Variants in ABCA9 observed in about 807,000 individuals in gnomAD.
ABCA9 encodes the protein ATP-binding cassette sub-family A member 9.
Under a neutral mutation model 205.3 loss-of-function variants are expected in ABCA9, and 183 were observed. That is an observed-to-expected ratio of 0.89 (90% CI 0.79 to 1.01). The LOEUF is 1.01. ABCA9 is among the 50% of genes least tolerant of loss of function. The pLI is 0.00. For synonymous variants in ABCA9, 651 were observed against 683.3 expected (o/e 0.95, Z 0.74); for missense variants, 1,805 against 1,912.4 (o/e 0.94, Z 1.05).
At chr17:69,001,122 G>A in intron 25 of ABCA9, among the ~76,000 whole-genome samples, 1 of 151,456 alleles carries the variant, frequency 6.6e-6, no homozygotes, top group Admixed American at 6.6e-5. Context: ...TCCTTCTCCT[G>A]CCTAATTGCC....
At chr17:68,996,103 CGTT>C (rs1598346009) in intron 25 of ABCA9, 89 bp from the exon 26 acceptor site, 23 of 1,402,616 alleles carry the variant, frequency 1.6e-5, no homozygotes, top group Non-Finnish European at 2.2e-5. Context: ...CATTTATAAA[CGTT>C]GTTATTTTCA....
At chr17:69,047,485 A>C (rs1185589078) in intron 3 of ABCA9, among the ~76,000 whole-genome samples, 1 of 151,682 alleles carries the variant, frequency 6.6e-6, no homozygotes, top group Non-Finnish European at 1.5e-5. Flanking sequence ...AGGCTGACTC[A>C]CTCCAAAGTG....
At chr17:69,024,412 C>A in intron 16 of ABCA9, 59 bp from the exon 17 acceptor site, 2 of 1,440,454 alleles carry the variant, frequency 1.4e-6, no homozygotes, top group Non-Finnish European at 1.9e-6. Flanking sequence ...AAACAATTTC[C>A]TAATTATGTA....
At chr17:69,042,747 C>A (rs1398932358) in intron 6 of ABCA9, 2 of 152,148 alleles carry the variant, frequency 1.3e-5, no homozygotes, top group Non-Finnish European at 2.9e-5. Context: ...TTTCAAGTCA[C>A]CAAGTCTGCA....
chr17:69,070,232 A>G, the ABCA9 span, among the ~76,000 whole-genome samples: 1 of 152,180 alleles, frequency 6.6e-6, no homozygotes, highest in Non-Finnish European at 1.5e-5. Flanking sequence ...AGATAAGAAA[A>G]AGATTAAAGC....
chr17:68,997,777 T>C (rs1383606936), intron 25 of ABCA9, among the ~76,000 whole-genome samples: 1 of 152,180 alleles, frequency 6.6e-6, no homozygotes, highest in Admixed American at 6.5e-5. Context: ...TTGTTAGAAT[T>C]GATGAGCCTT....
chr17:69,075,435 G>A, the ABCA9 span, among the ~76,000 whole-genome samples: 1 of 152,148 alleles, frequency 6.6e-6, no homozygotes, highest in African/African-American at 2.4e-5. Flanking sequence ...GTGAAAGGTG[G>A]GGGTCCACTT....
At chr17:69,013,667 A>G (rs1719764117) in intron 22 of ABCA9, among the ~76,000 whole-genome samples, 1 of 152,132 alleles carries the variant, frequency 6.6e-6, no homozygotes, top group African/African-American at 2.4e-5. Context: ...ACTCAGCCTG[A>G]CAGGGTCCTT....
intron 21 of ABCA9, 27 bp from the exon 22 acceptor site, chr17:69,016,417 A>G (rs1224979334): frequency 5.8e-6 from 9 of 1,547,902 alleles, no homozygotes; most frequent in Non-Finnish European, 7.8e-6. Flanking sequence ...ACCAATTCGA[A>G]GTCTTCATAA....
chr17:69,012,073 T>A lies in ABCA9; in HGVS notation c.3050A>T (p.Asp1017Val), dbSNP rs1399062983. Reference protein sequence around the residue: ...DRSTFFEEHMDYEYGYRSNTF... With the variant: ...DRSTFFEEHMVYEYGYRSNTF... ...GTTACTTCGGTACCCATACTCATAA[T>A]CCATATGCTCCTGAAATCATGTGGA... Residue 1017 changes from aspartate to valine, a missense_variant, in exon 23 of 39, where the codon GAT becomes GTT. Coordinates refer to ENST00000340001, the MANE Select transcript of ABCA9 (RefSeq NM_080283.4). The A allele has an allele frequency of 1.2e-6, 2 of 1,609,836 alleles. No homozygotes were observed. The highest frequency in any genetic ancestry group is 3.4e-5 in the Admixed American group (2 of 59,336).
At chr17:69,017,619 A>C (rs2144265427) in intron 21 of ABCA9, 37 bp downstream of exon 21, 1 of 1,610,346 alleles carries the variant, frequency 6.2e-7, no homozygotes, top group Non-Finnish European at 8.5e-7. Context: ...CCCATAGTCC[A>C]CCTTTGGTGA....
chr17:69,070,271 A>C, the ABCA9 span, among the ~76,000 whole-genome samples: 2 of 152,202 alleles, frequency 1.3e-5, no homozygotes, highest in African/African-American at 4.8e-5. Context: ...AAAAATACAA[A>C]AATTAAAAAA....
upstream of ABCA9, among the ~76,000 whole-genome samples, chr17:69,063,545 G>A (rs1353393572): frequency 6.6e-6 from 1 of 152,152 alleles, no homozygotes; most frequent in Non-Finnish European, 1.5e-5. Context: ...TGCACTGCCT[G>A]CATGTGAGTT....
chr17:69,025,526 G>T (rs895137148), intron 16 of ABCA9, among the ~76,000 whole-genome samples: 1 of 152,082 alleles, frequency 6.6e-6, no homozygotes, highest in African/African-American at 2.4e-5. Context: ...TCAATAGAGG[G>T]TATTGATTCT....
At chr17:69,075,909 G>A in the ABCA9 span, among the ~76,000 whole-genome samples, 24 of 152,146 alleles carry the variant, frequency 1.6e-4, no homozygotes, top group East Asian at 3.7e-3. Context: ...GCAGTGTTTT[G>A]TAATTCTTCT....
intron 25 of ABCA9, among the ~76,000 whole-genome samples, chr17:69,005,972 C>G (rs569025405): frequency 6.6e-6 from 1 of 152,162 alleles, no homozygotes; most frequent in Non-Finnish European, 1.5e-5. Flanking sequence ...TTTGGGCAGC[C>G]ATTTCTAATT....
intron 14 of ABCA9, 103 bp downstream of exon 14, chr17:69,027,227 T>C: frequency 6.4e-7 from 1 of 1,560,732 alleles, no homozygotes; most frequent in South Asian, 1.2e-5. Context: ...TAATATTTCA[T>C]CCTAAAAGTT....
At chr17:69,060,246 T>C (rs571799956) in intron 1 of ABCA9, among the ~76,000 whole-genome samples, 8 of 152,160 alleles carry the variant, frequency 5.3e-5, no homozygotes, top group Non-Finnish European at 1.2e-4. Flanking sequence ...GAATAGGAAA[T>C]TGTATAATTT....
chr17:69,001,154 A>G (rs1043834408), intron 25 of ABCA9, among the ~76,000 whole-genome samples: 2 of 151,212 alleles, frequency 1.3e-5, no homozygotes, highest in African/African-American at 2.4e-5. Context: ...GTCTAACACT[A>G]TGTTGAATAG....
Sources: gnomAD v4.1 joint callset for allele counts (sites outside exome capture counted in the v4.1 genomes callset) on GRCh38, gnomAD v4.1.1 for gene constraint, MANE v1.5 for transcripts, NCBI Gene and HGNC (gene_info 2026-07-23, HGNC 2026-07-21) for gene names.